The following UROC1 variants were observed in gnomAD, a reference collection of about 807,000 sequenced individuals.
UROC1 encodes urocanate hydratase 1.
A neutral mutation model predicts 89.5 loss-of-function variants in UROC1; 79 were observed. The observed-to-expected ratio is 0.88, with a 90% CI of 0.74 to 1.06. The LOEUF is 1.06. UROC1 is among the 50% of genes least tolerant of loss of function. The pLI, the probability that UROC1 is intolerant of heterozygous loss-of-function variation, is 0.00. For synonymous variants in UROC1, 361 were observed against 354.8 expected (o/e 1.02, Z -0.20); for missense variants, 885 against 907.8 (o/e 0.97, Z 0.32).
intron 9 of UROC1, chr3:126,502,007 T>A: frequency 6.7e-7 from 1 of 1,481,814 alleles, no homozygotes; most frequent in African/African-American, 1.4e-5. Context: ...AGCTCGGGGG[T>A]TGCGGAAGTG....
In UROC1 at chr3:126,483,448, C is replaced by A. The variant is rs760134412; in HGVS notation, c.1811G>T (p.Gly604Val). The change falls in exon 19 of 20, where the codon GGA becomes GTA. Residue 604 changes from glycine to valine, a missense_variant. Transcript: ENST00000290868. Reference sequence around the variant, plus strand: ...GGTACCGTCCAGCACGAGGCCGAATCCCCCGTTGATCACCTCACCCCTGCA... The same window carrying A: ...GGTACCGTCCAGCACGAGGCCGAATACCCCGTTGATCACCTCACCCCTGCA... ...GVGWGEVING[G>V]FGLVLDGTPE... The A allele has an allele frequency of 1.9e-6, 3 of 1,613,568 alleles. No homozygotes were observed. The highest frequency in any genetic ancestry group is 1.1e-5 in the South Asian group (1 of 91,082).
intron 6 of UROC1, among the ~76,000 whole-genome samples, chr3:126,506,696 A>G (rs896544990): frequency 6.6e-6 from 1 of 152,200 alleles, no homozygotes; most frequent in Non-Finnish European, 1.5e-5. Flanking sequence ...AAGTGTTTGG[A>G]AGAACACAGG....
At position 126,509,634 on chromosome 3, in the gene UROC1, G is replaced by A. The variant is rs777464664; in HGVS notation, c.302C>T (p.Ala101Val). 1.1e-5 allele frequency: 17 copies of A among 1,551,948 alleles called. No individual in the cohort carries two copies. In the African/African-American group the frequency reaches 2.3e-4, roughly 21 times the overall value. Residue 101 changes from alanine (A) to valine (V), a missense_variant, in exon 3 of 20, where the codon GCC becomes GTC. Transcript: ENST00000290868. ...GTTCATAATCATGTGCATGATGGCG[G>A]CAGCCACTTTCGTCTGGCAGGGGTA... ...EQYPCQTKVA[A>V]AIMHMIMNNL...
chr3:126,492,287 G>T (rs974455993), intron 16 of UROC1, 131 bp downstream of exon 16: 2 of 865,538 alleles, frequency 2.3e-6, no homozygotes, highest in African/African-American at 3.3e-5. Flanking sequence ...GGGCTGCTGA[G>T]GCCCAACGGG....
intron 11 of UROC1, 103 bp from the exon 12 acceptor site, chr3:126,500,257 C>T (rs1376196948): frequency 8.8e-7 from 1 of 1,141,410 alleles, no homozygotes; most frequent in Non-Finnish European, 1.3e-6. Flanking sequence ...ACTTCCAGCC[C>T]CACTGCCTGG....
rs1935401946 is a variant in UROC1 at position 126,482,109 on chromosome 3, C to T, written c.*236G>A. ...GCCCTAAATGGACTTTGACAGCCTTCAGGGCTCCCATGCAAGTGGCATGGT... is the reference window on the plus strand; with the variant it reads ...GCCCTAAATGGACTTTGACAGCCTTTAGGGCTCCCATGCAAGTGGCATGGT... On this transcript the variant is annotated 3_prime_UTR_variant, in exon 20 of 20. Coordinates refer to ENST00000290868, the MANE Select transcript of UROC1 (RefSeq NM_144639.3). 2 of 610,210 alleles carry T rather than the reference C, an allele frequency of 3.3e-6. No individual in the cohort carries two copies. The highest frequency in any genetic ancestry group is 5.7e-6 in the Non-Finnish European group (2 of 352,908). 37.8% of individuals were successfully genotyped at this position (610,210 alleles called of 1,614,324 possible). A position where few individuals can be genotyped will look rare whatever the true frequency, so the allele number is the denominator to read the frequency against.
chr3:126,484,425 GTGT>G (rs1935466427), intron 18 of UROC1, among the ~76,000 whole-genome samples: 1 of 152,234 alleles, frequency 6.6e-6, no homozygotes, highest in Admixed American at 6.5e-5. Flanking sequence ...GCCTGTCGTT[GTGT>G]TGTTGCAAAT....
intron 10 of UROC1, 94 bp downstream of exon 10, chr3:126,501,124 G>A: frequency 1.4e-6 from 2 of 1,391,398 alleles, no homozygotes; most frequent in East Asian, 4.6e-5. Context: ...TCAAAGCTTT[G>A]TGTCCTGGCA....
chr3:126,490,286 T>A (rs2107535412), intron 16 of UROC1, among the ~76,000 whole-genome samples: 1 of 152,312 alleles, frequency 6.6e-6, no homozygotes, highest in South Asian at 2.1e-4. Flanking sequence ...CAGCTGCTGC[T>A]TTGCCCCCAC....
At position 126,498,266 on chromosome 3, in the gene UROC1, C is replaced by A; in HGVS notation, c.1317-94G>T. Reference sequence around the variant, plus strand: ...ATGCCAGGGAGGAGGGCTCAGCATCCAGAAGTCAGGTGTGGAACCCCCTAA... The same window carrying A: ...ATGCCAGGGAGGAGGGCTCAGCATCAAGAAGTCAGGTGTGGAACCCCCTAA... On this transcript the variant is annotated intron_variant, in intron 13 of 19. Coordinates refer to ENST00000290868, the MANE Select transcript of UROC1 (RefSeq NM_144639.3). 3.7e-6 allele frequency: 6 copies of A among 1,604,292 alleles called. No homozygotes were observed. In the South Asian group the frequency reaches 6.6e-5, roughly 18 times the overall value.
chr3:126,487,894 C>T (rs1220979965), intron 18 of UROC1, among the ~76,000 whole-genome samples: 1 of 152,218 alleles, frequency 6.6e-6, no homozygotes, highest in African/African-American at 2.4e-5. Flanking sequence ...ATGCTGGAAA[C>T]TAACTGCACA....
At position 126,499,271 on chromosome 3, in the gene UROC1, C is replaced by A. The variant is rs189386500; in HGVS notation, c.1316+66G>T. On this transcript the variant is annotated intron_variant, in intron 13 of 19. Coordinates refer to ENST00000290868, the MANE Select transcript of UROC1 (RefSeq NM_144639.3). ...GCTTCTCCAACCTAAATACCCAGGA[C>A]GCAGACCCTGAACGGGGCAGGGGTG... 28 of 1,559,532 alleles carry A rather than the reference C, an allele frequency of 1.8e-5. 1 individual carries two copies. The East Asian group carries it at 6.4e-4, about 36-fold the overall frequency.
intron 1 of UROC1, among the ~76,000 whole-genome samples, chr3:126,513,169 T>TG: frequency 6.6e-6 from 1 of 151,636 alleles, no homozygotes; most frequent in Admixed American, 6.6e-5. Flanking sequence ...TGTGTGTGTG[T>TG]TCAGCCTAGG....
At chr3:126,485,673 T>C (rs1286789170) in intron 18 of UROC1, among the ~76,000 whole-genome samples, 4 of 150,612 alleles carry the variant, frequency 2.7e-5, no homozygotes, top group African/African-American at 9.7e-5. Flanking sequence ...CAAGCAATCC[T>C]CCTGCCTTAG....
At chr3:126,484,669 G>A (rs998474283) in intron 18 of UROC1, among the ~76,000 whole-genome samples, 11 of 152,130 alleles carry the variant, frequency 7.2e-5, no homozygotes, top group Admixed American at 6.5e-4. Context: ...CCCATTCCTG[G>A]TCCCAGAAGC....
intron 15 of UROC1, among the ~76,000 whole-genome samples, chr3:126,495,503 A>G (rs935186311): frequency 1.3e-5 from 2 of 152,176 alleles, no homozygotes. Context: ...AGGCCGAGTC[A>G]TATTCCATCT....
In UROC1 at chr3:126,514,096, G is replaced by C. The variant is rs76236277; in HGVS notation, c.127-3302C>G. On this transcript the variant is annotated intron_variant, in intron 1 of 19. Transcript: ENST00000290868. ...ATAGCCACCTCTTCCAAGAAGTCCT[G>C]TCAAGTTTCTCCTGCTGGCTGAAAT... is the stretch of plus-strand genomic sequence containing the variant. Among the ~76,000 whole-genome samples, 353 of 152,322 alleles carry C rather than the reference G, an allele frequency of 2.3e-3. 4 individuals carry two copies. The highest frequency in any genetic ancestry group is 7.8e-3 in the African/African-American group (326 of 41,584).
chr3:126,507,126 GA>G (rs757325812), intron 6 of UROC1, among the ~76,000 whole-genome samples: 5 of 152,096 alleles, frequency 3.3e-5, no homozygotes, highest in African/African-American at 1.2e-4. Context: ...TATAACAAAT[GA>G]AAAGCTTTCA....
chr3:126,517,393 G>A (rs933474228), intron 1 of UROC1, among the ~76,000 whole-genome samples: 3 of 152,122 alleles, frequency 2.0e-5, no homozygotes, highest in East Asian at 3.9e-4. Context: ...AAACAGGCAC[G>A]GCGATCCTGC....
Sources: gnomAD v4.1 joint callset for allele counts (sites outside exome capture counted in the v4.1 genomes callset) on GRCh38, gnomAD v4.1.1 for gene constraint, MANE v1.5 for transcripts, NCBI Gene and HGNC (gene_info 2026-07-23, HGNC 2026-07-21) for gene names.